DZIP3: variants seen among roughly 807,000 people sequenced by gnomAD.
DZIP3 encodes the protein DAZ interacting zinc finger protein 3.
In DZIP3, 118 loss-of-function variants were observed where a neutral mutation model predicts 162.0. The observed-to-expected ratio is 0.73, with a 90% CI of 0.63 to 0.85. The LOEUF (loss-of-function observed/expected upper bound fraction) is 0.85, where lower values mean the gene tolerates loss of function less well. Ranked by LOEUF, DZIP3 falls within the 40% of genes least tolerant of loss-of-function variation. The pLI is 0.00. For synonymous variants in DZIP3, 438 were observed against 458.6 expected (o/e 0.96, Z 0.57); for missense variants, 1,331 against 1,407.0 (o/e 0.95, Z 0.86).
chr3:108,691,920 C>T (rs1028780350), intron 32 of DZIP3, among the ~76,000 whole-genome samples: 1 of 152,108 alleles, frequency 6.6e-6, no homozygotes, highest in Non-Finnish European at 1.5e-5. Context: ...GTCTTTCTCC[C>T]CCATTCCTTT....
chr3:108,627,063 G>T (rs9288880), intron 7 of DZIP3, among the ~76,000 whole-genome samples: 2,895 of 152,188 alleles, frequency 0.019, 99 homozygotes, highest in African/African-American at 0.067. Flanking sequence ...TTGTTCACTG[G>T]GTCTGAGCAG....
Position 108,674,198 on chromosome 3 carries a change from C to T in DZIP3, c.2693+17C>T, listed in dbSNP as rs767117001. On this transcript the variant is annotated intron_variant, in intron 24 of 32. Coordinates refer to ENST00000361582, the MANE Select transcript of DZIP3 (RefSeq NM_014648.4). ...GGCAGCAAGGTAACCTTTCCCTCTTCCTTAATGCATCTTAATTTTAGAGAT... is the reference window on the plus strand; with the variant it reads ...GGCAGCAAGGTAACCTTTCCCTCTTTCTTAATGCATCTTAATTTTAGAGAT... 48 of 1,595,268 alleles carry T rather than the reference C, an allele frequency of 3.0e-5. No individual in the cohort carries two copies. Among genetic ancestry groups the T allele is most frequent in the Non-Finnish European group, 4.0e-5 (47 of 1,164,090 alleles).
rs373733728 is a variant in DZIP3 at position 108,605,471 on chromosome 3, A to G, written c.32+33A>G. 8.1e-5 allele frequency: 131 copies of G among 1,608,780 alleles called. 1 individual carries two copies. In the Admixed American group the frequency reaches 2.1e-3, roughly 26 times the overall value. Reference sequence around the variant, plus strand: ...CACAGTCCCCAACCTTTTTGGCACCATGGACTGGTTTCGTGGAAAACAATT... The same window carrying G: ...CACAGTCCCCAACCTTTTTGGCACCGTGGACTGGTTTCGTGGAAAACAATT... On this transcript the variant is annotated intron_variant, in intron 2 of 32. Coordinates refer to ENST00000361582, the MANE Select transcript of DZIP3 (RefSeq NM_014648.4).
intron 5 of DZIP3, among the ~76,000 whole-genome samples, chr3:108,618,548 G>A (rs898463565): frequency 2.0e-5 from 3 of 152,104 alleles, no homozygotes; most frequent in Admixed American, 6.5e-5. Flanking sequence ...CTGAACTACT[G>A]CCTCTTCAGG....
At chr3:108,632,427 A>G (rs1008757492) in intron 8 of DZIP3, among the ~76,000 whole-genome samples, 1 of 152,136 alleles carries the variant, frequency 6.6e-6, no homozygotes, top group African/African-American at 2.4e-5. Flanking sequence ...TTTTAAAATG[A>G]GAAATTATAT....
rs983856032 is a variant in DZIP3, at chr3:108,627,247, C to T, written c.581+1278C>T. Among the ~76,000 whole-genome samples, 17 of 152,322 alleles carry T rather than the reference C, an allele frequency of 1.1e-4. No homozygotes were observed. In the South Asian group the frequency reaches 3.5e-3, roughly 32 times the overall value. The stretch of plus-strand genomic sequence containing the variant: ...TGTGAAAACTGTTTTATTCTCTTTA[C>T]TGATGAGCATTGGAGAGAATTCATT... On this transcript the variant is annotated intron_variant, in intron 7 of 32. Coordinates refer to ENST00000361582, the MANE Select transcript of DZIP3 (RefSeq NM_014648.4).
Position 108,674,130 on chromosome 3 carries a change from C to T in DZIP3, c.2642C>T (p.Thr881Ile). ...TTTGGTTTGCTTCATCTAGAGCAGA[C>T]TGAAAAGGAATGTCTCAATCAGCTT... ...RDFGLLHLEQ[T>I]EKECLNQLAR... Residue 881 changes from threonine to isoleucine, a missense_variant, in exon 24 of 33, where the codon ACT becomes ATT. Transcript: ENST00000361582. 2 of 1,612,392 alleles carry T rather than the reference C, an allele frequency of 1.2e-6. No individual in the cohort carries two copies. Among genetic ancestry groups the T allele is most frequent in the South Asian group, 1.1e-5 (1 of 91,018 alleles).
intron 1 of DZIP3, among the ~76,000 whole-genome samples, chr3:108,603,671 C>G (rs1174427139): frequency 5.9e-5 from 9 of 152,246 alleles, no homozygotes; most frequent in Admixed American, 2.0e-4. Flanking sequence ...ATCTCTCTCT[C>G]TGTGTATATA....
At chr3:108,653,505 G>A (rs9288881) in intron 18 of DZIP3, among the ~76,000 whole-genome samples, 220 of 67,726 alleles carry the variant, frequency 3.2e-3, no homozygotes, top group African/African-American at 0.012. Context: ...TTGTGTGTGT[G>A]TGTATATATA....
intron 1 of DZIP3, among the ~76,000 whole-genome samples, chr3:108,598,272 CT>C (rs1326794885): frequency 6.6e-6 from 1 of 152,122 alleles, no homozygotes; most frequent in Non-Finnish European, 1.5e-5. Flanking sequence ...AATTTCTGCT[CT>C]TACGGATTTA....
chr3:108,608,999 C>T (rs558366133), intron 3 of DZIP3, among the ~76,000 whole-genome samples: 4 of 152,102 alleles, frequency 2.6e-5, no homozygotes, highest in South Asian at 2.1e-4. Context: ...CACGCCTTCA[C>T]GTGGCGGCAG....
chr3:108,632,884 G>T, intron 8 of DZIP3, 69 bp from the exon 9 acceptor site: 2 of 927,572 alleles, frequency 2.2e-6, no homozygotes, highest in South Asian at 3.6e-5. Context: ...TAAAACATGG[G>T]TAGTCTTAAT....
rs987181610 is a variant in DZIP3, at chr3:108,647,613, C to T, written c.1793-330C>T. Among the ~76,000 whole-genome samples the T allele has an allele frequency of 9.2e-5, 14 of 152,024 alleles. No homozygotes were observed. In the East Asian group the frequency reaches 2.7e-3, roughly 29 times the overall value. Reference sequence around the variant, plus strand: ...ATATGTGCTAAAATAATACTAGTTGCATTATTAATAGGATCAAGGTCAGGA... The same window carrying T: ...ATATGTGCTAAAATAATACTAGTTGTATTATTAATAGGATCAAGGTCAGGA... On this transcript the variant is annotated intron_variant, in intron 15 of 32. Coordinates refer to ENST00000361582, the MANE Select transcript of DZIP3 (RefSeq NM_014648.4).
chr3:108,623,904 G>A (rs968837229), intron 5 of DZIP3, among the ~76,000 whole-genome samples: 3 of 152,314 alleles, frequency 2.0e-5, no homozygotes, highest in African/African-American at 7.2e-5. Context: ...GCTTTCTGAT[G>A]TGACGGGGCA....
chr3:108,598,438 C>G (rs143746292), intron 1 of DZIP3, among the ~76,000 whole-genome samples: 1 of 152,258 alleles, frequency 6.6e-6, no homozygotes, highest in East Asian at 1.9e-4. Flanking sequence ...AGCTTATTTT[C>G]AATGCAACCC....
At position 108,632,991 on chromosome 3, in the gene DZIP3, T is replaced by C; in HGVS notation, c.735T>C (p.Asn245=). The C allele has an allele frequency of 1.4e-6, 2 of 1,481,234 alleles. No homozygotes were observed. The highest frequency in any genetic ancestry group is 9.1e-7 in the Non-Finnish European group (1 of 1,101,772). The allele number at this position is 1,481,234 out of a possible 1,614,324, so 91.8% of individuals were successfully genotyped here. A position where few individuals can be genotyped will look rare whatever the true frequency, so the allele number is the denominator to read the frequency against. Residue 245 remains asparagine, a synonymous_variant, in exon 9 of 33, where the codon AAT becomes AAC. Coordinates refer to ENST00000361582, the MANE Select transcript of DZIP3 (RefSeq NM_014648.4). The part of the protein sequence containing the change: ...LNNFIKTTES[N]IMKQTICSYL... Reference sequence around the variant, plus strand: ...ATTTTATCAAGACAACTGAAAGCAATATAATGAAGCAGACGATTTGTAGTT... The same window carrying C: ...ATTTTATCAAGACAACTGAAAGCAACATAATGAAGCAGACGATTTGTAGTT...
At chr3:108,599,333 AAAT>A (rs1455205502) in intron 1 of DZIP3, among the ~76,000 whole-genome samples, 1 of 152,216 alleles carries the variant, frequency 6.6e-6, no homozygotes, top group Non-Finnish European at 1.5e-5. Context: ...CTTTGGGAGC[AAAT>A]AATATTTTAG....
intron 8 of DZIP3, among the ~76,000 whole-genome samples, chr3:108,630,894 T>A (rs776996298): frequency 2.0e-5 from 3 of 151,960 alleles, no homozygotes; most frequent in Non-Finnish European, 4.4e-5. Context: ...ACATTTTTCT[T>A]TGATGTTTAC....
chr3:108,612,559 T>A lies in DZIP3; in HGVS notation c.258+1230T>A, dbSNP rs907453079. ...TCATCTTTTGGTATCTGTGGGAGGT[T>A]AATTCCAGGACACCCCCGGTACAAA... is the stretch of plus-strand genomic sequence containing the variant. On this transcript the variant is annotated intron_variant, in intron 4 of 32. Coordinates refer to ENST00000361582, the MANE Select transcript of DZIP3 (RefSeq NM_014648.4). 2.6e-5 allele frequency among the ~76,000 whole-genome samples: 4 copies of A among 152,186 alleles called. No individual in the cohort carries two copies. The South Asian group carries it at 8.3e-4, about 31-fold the overall frequency.
Sources: allele counts gnomAD v4.1 joint callset (sites outside exome capture counted in the v4.1 genomes callset), GRCh38; gene constraint gnomAD v4.1.1; transcripts MANE v1.5; gene names NCBI Gene and HGNC (gene_info 2026-07-23, HGNC 2026-07-21).